Variants in USH2A observed in about 807,000 individuals in gnomAD.
USH2A encodes the protein usherin.
USH2A carries 443 observed loss-of-function variants against 538.9 expected under a neutral mutation model. The observed-to-expected ratio is 0.82, with a 90% CI of 0.76 to 0.89. USH2A has a LOEUF of 0.89. USH2A is among the 40% of genes least tolerant of loss of function. The pLI, the probability that USH2A is intolerant of heterozygous loss-of-function variation, is 0.00. For synonymous variants in USH2A, 2,413 were observed against 2,273.5 expected, an observed-to-expected ratio of 1.06 and a Z score of -1.75; for missense variants, 6,633 against 6,324.8, an observed-to-expected ratio of 1.05 and a Z score of -1.65.
At chr1:216,207,092 A>G (rs1416808787) in intron 16 of USH2A, among the ~76,000 whole-genome samples, 181 bp downstream of exon 16, 3 of 152,142 alleles carry the variant, frequency 2.0e-5, no homozygotes, top group Non-Finnish European at 2.9e-5. Context: ...ATCAGATAAT[A>G]AGCATCTCAT....
At chr1:215,670,495 G>T (rs930484387) in intron 64 of USH2A, among the ~76,000 whole-genome samples, 5 of 152,124 alleles carry the variant, frequency 3.3e-5, no homozygotes, top group African/African-American at 7.2e-5. Context: ...GCCATCCTCA[G>T]AGAAAACTTA....
At position 215,723,814 on chromosome 1, in the gene USH2A, C is replaced by T. The variant is rs377362527; in HGVS notation, c.12066+4216G>A. Among the ~76,000 whole-genome samples, 18 of 152,112 alleles carry T rather than the reference C, an allele frequency of 1.2e-4. 1 individual carries two copies. In the East Asian group the frequency reaches 1.7e-3, roughly 15 times the overall value. ...TAGATCTAGGGAAGTACTTGGGATG[C>T]GATTTAAAATGGAGTCTTCTACAAC... On this transcript the variant is annotated intron_variant, in intron 61 of 71. Coordinates refer to ENST00000307340, the MANE Select transcript of USH2A (RefSeq NM_206933.4).
Position 215,623,133 on chromosome 1 carries a change from T to G in USH2A, c.*2648A>C, listed in dbSNP as rs1005009184. The G allele has an allele frequency of 6.6e-6, 1 of 152,138 alleles. No homozygotes were observed. The highest frequency in any genetic ancestry group is 2.4e-5 in the African/African-American group (1 of 41,450). The allele number at this position is 152,138 out of a possible 1,614,324, so 9.4% of individuals were successfully genotyped here. On this transcript the variant is annotated 3_prime_UTR_variant, in exon 72 of 72. Coordinates refer to ENST00000307340, the MANE Select transcript of USH2A (RefSeq NM_206933.4). ...ATTTAGTGGAAATTACAGTAGATTA[T>G]AAACACATTTCTTAGAGTGTATAAA...
chr1:216,192,059 A>C (rs2034727352), intron 19 of USH2A, among the ~76,000 whole-genome samples: 1 of 152,076 alleles, frequency 6.6e-6, no homozygotes, highest in African/African-American at 2.4e-5. Context: ...TAAGTCTTAT[A>C]AAATCTATCT....
intron 7 of USH2A, 104 bp downstream of exon 7, chr1:216,324,064 G>A: frequency 7.9e-7 from 1 of 1,267,988 alleles, no homozygotes; most frequent in Non-Finnish European, 1.1e-6. Flanking sequence ...CCTCAAGGAA[G>A]TTGGTGGTGA....
intron 34 of USH2A, among the ~76,000 whole-genome samples, chr1:215,996,108 G>A (rs995446684): frequency 2.6e-5 from 4 of 151,994 alleles, no homozygotes; most frequent in South Asian, 2.1e-4. Context: ...ATGGGTTTTC[G>A]CCATGTTGGC....
At chr1:215,919,122 A>G (rs898359643) in intron 38 of USH2A, among the ~76,000 whole-genome samples, 17 of 152,074 alleles carry the variant, frequency 1.1e-4, no homozygotes, top group Non-Finnish European at 2.5e-4. Context: ...AGAATTTTCA[A>G]TTGGTTATTT....
At chr1:215,801,005 A>G (rs1367549518) in intron 49 of USH2A, among the ~76,000 whole-genome samples, 1 of 152,188 alleles carries the variant, frequency 6.6e-6, no homozygotes, top group Non-Finnish European at 1.5e-5. Flanking sequence ...GTAACACATT[A>G]TATCAATAGA....
At chr1:216,072,473 T>A (rs890706677) in intron 29 of USH2A, 7 of 278,886 alleles carry the variant, frequency 2.5e-5, no homozygotes, top group South Asian at 1.1e-4. Flanking sequence ...CAGTTGCAGG[T>A]TTCAAATGTG....
intron 38 of USH2A, among the ~76,000 whole-genome samples, chr1:215,932,989 G>T (rs1321552390): frequency 1.3e-5 from 2 of 151,842 alleles, no homozygotes; most frequent in East Asian, 3.9e-4. Flanking sequence ...CAAATTATTA[G>T]ACCATACATT....
chr1:216,068,575 C>T (rs11589680), intron 30 of USH2A, among the ~76,000 whole-genome samples: 3 of 151,866 alleles, frequency 2.0e-5, no homozygotes, highest in East Asian at 1.9e-4. Flanking sequence ...TACTCTACTG[C>T]AGCAGACAGA....
At chr1:215,960,822 A>T (rs1031434765) in intron 37 of USH2A, among the ~76,000 whole-genome samples, 1 of 152,094 alleles carries the variant, frequency 6.6e-6, no homozygotes, top group Non-Finnish European at 1.5e-5. Context: ...ATCCATAATT[A>T]AAGAGAAAGA....
At chr1:216,026,310 T>C (rs1051847080) in intron 32 of USH2A, among the ~76,000 whole-genome samples, 13 of 152,300 alleles carry the variant, frequency 8.5e-5, no homozygotes, top group Admixed American at 4.6e-4. Flanking sequence ...TTTAAAATAA[T>C]TGATCAATTT....
Position 216,199,967 on chromosome 1 carries a change from G to T in USH2A, c.3471C>A (p.Ile1157=). ...VPEGNLTLSY[I]IPIGSDSVTL... Reference sequence around the variant, plus strand: ...TCACAGAGTCTGAGCCAATAGGAATGATATAACTTAAAGTCAAGTTTCCCT... The same window carrying T: ...TCACAGAGTCTGAGCCAATAGGAATTATATAACTTAAAGTCAAGTTTCCCT... Residue 1157 remains isoleucine, a synonymous_variant, in exon 17 of 72, where the codon ATC becomes ATA. Transcript: ENST00000307340. 1 of 1,614,062 alleles carries T rather than the reference G, an allele frequency of 6.2e-7. No homozygotes were observed. The highest frequency in any genetic ancestry group is 8.5e-7 in the Non-Finnish European group (1 of 1,179,980).
intron 2 of USH2A, among the ~76,000 whole-genome samples, chr1:216,420,124 G>T (rs879762813): frequency 8.6e-5 from 13 of 152,000 alleles, no homozygotes; most frequent in South Asian, 2.1e-4. Flanking sequence ...AAGTGAATTT[G>T]TTTTTATCCC....
At chr1:215,685,795 A>G (rs895077731) in intron 61 of USH2A, among the ~76,000 whole-genome samples, 9 of 152,116 alleles carry the variant, frequency 5.9e-5, no homozygotes, top group South Asian at 2.1e-4. Context: ...TTGTCAGAAC[A>G]TTTTCACCAA....
At chr1:216,177,506 C>G (rs1038790777) in intron 20 of USH2A, among the ~76,000 whole-genome samples, 2 of 152,114 alleles carry the variant, frequency 1.3e-5, no homozygotes, top group South Asian at 4.1e-4. Flanking sequence ...AGTTTACACA[C>G]AACGGTCCAG....
intron 54 of USH2A, 50 bp downstream of exon 54, chr1:215,781,992 A>C: frequency 1.2e-6 from 2 of 1,611,012 alleles, no homozygotes; most frequent in Non-Finnish European, 1.7e-6. Context: ...ATGTTCAGAT[A>C]ATCTTCACAC....
At chr1:215,758,787 C>A in intron 57 of USH2A, 35 bp from the exon 58 acceptor site, 1 of 1,603,704 alleles carries the variant, frequency 6.2e-7, no homozygotes, top group Non-Finnish European at 8.5e-7. Context: ...TGTGGTAAGG[C>A]CATGCACAAG....
Sources: gnomAD v4.1 joint callset for allele counts (sites outside exome capture counted in the v4.1 genomes callset) on GRCh38, gnomAD v4.1.1 for gene constraint, MANE v1.5 for transcripts, NCBI Gene and HGNC (gene_info 2026-07-23, HGNC 2026-07-21) for gene names.